The following PCDHA8 variants were observed in gnomAD, a reference collection of about 807,000 sequenced individuals.
PCDHA8 encodes the protein protocadherin alpha 8, also known as protocadherin alpha-8.
Under a neutral mutation model 61.8 loss-of-function variants are expected in PCDHA8, and 53 were observed. That is an observed-to-expected ratio of 0.86 (90% confidence interval 0.69 to 1.08). The LOEUF (loss-of-function observed/expected upper bound fraction) is 1.08. Ranked by LOEUF, PCDHA8 falls within the 50% of genes least tolerant of loss-of-function variation. The pLI, the probability that PCDHA8 is intolerant of heterozygous loss-of-function variation, is 0.00. For missense variants in PCDHA8, 1,293 were observed against 1,245.0 expected (o/e 1.04, Z -0.58); for synonymous variants, 618 against 556.6 (o/e 1.11, Z -1.55).
At chr5:140,850,282 C>T (rs2150477546) in intron 1 of PCDHA8, 2 of 1,595,502 alleles carry the variant, frequency 1.3e-6, no homozygotes, top group African/African-American at 2.7e-5. Context: ...AAGGTGCGCG[C>T]AGTGGACGCC....
intron 3 of PCDHA8, among the ~76,000 whole-genome samples, chr5:140,999,060 G>A (rs1199782818): frequency 1.3e-5 from 2 of 152,210 alleles, no homozygotes; most frequent in East Asian, 1.9e-4. Context: ...CCATGCCTAA[G>A]TAGTCTCCTT....
At chr5:140,988,556 C>A (rs574182013) in intron 3 of PCDHA8, among the ~76,000 whole-genome samples, 1 of 152,158 alleles carries the variant, frequency 6.6e-6, no homozygotes, top group South Asian at 2.1e-4. Flanking sequence ...TCTTCATCTT[C>A]TTCTTGGGAA....
At chr5:140,848,673 G>A (rs2150416689) in intron 1 of PCDHA8, 2 of 1,592,332 alleles carry the variant, frequency 1.3e-6, no homozygotes, top group Non-Finnish European at 1.7e-6. Context: ...GGCGGAGCTG[G>A]TGCCGCGCCT....
At chr5:140,919,069 A>G (rs2078992601) in intron 1 of PCDHA8, among the ~76,000 whole-genome samples, 1 of 152,200 alleles carries the variant, frequency 6.6e-6, no homozygotes, top group African/African-American at 2.4e-5. Context: ...TAAAGTCTCC[A>G]GTTATGACTA....
intron 1 of PCDHA8, chr5:140,857,754 C>T: frequency 6.3e-7 from 1 of 1,597,392 alleles, no homozygotes; most frequent in Non-Finnish European, 8.6e-7. Flanking sequence ...GCGTCTCCCG[C>T]TGGCAGCGCG....
intron 1 of PCDHA8, among the ~76,000 whole-genome samples, chr5:140,916,649 G>A (rs1331435832): frequency 6.6e-6 from 1 of 152,166 alleles, no homozygotes; most frequent in Non-Finnish European, 1.5e-5. Flanking sequence ...TGGCTGAGCT[G>A]GTATCCAAGA....
chr5:140,972,589 T>C (rs1258846206), intron 1 of PCDHA8, among the ~76,000 whole-genome samples: 2 of 152,074 alleles, frequency 1.3e-5, no homozygotes, highest in Non-Finnish European at 2.9e-5. Flanking sequence ...AGAATTTCTC[T>C]TTGGAAATTT....
At chr5:140,889,632 C>T (rs265311) in intron 1 of PCDHA8, among the ~76,000 whole-genome samples, 138,318 of 152,176 alleles carry the variant, frequency 0.91, 63,092 homozygotes, top group East Asian at 1. Context: ...CTCTTCTTTT[C>T]ATTTGTGTTT....
intron 1 of PCDHA8, among the ~76,000 whole-genome samples, chr5:140,919,172 A>G (rs144962710): frequency 6.6e-6 from 1 of 152,282 alleles, no homozygotes; most frequent in African/African-American, 2.4e-5. Flanking sequence ...TTTAGTTGCT[A>G]TATCTTCCTG....
chr5:140,915,209 AG>A lies in PCDHA8; in HGVS notation c.2395-63739del, dbSNP rs2077027084. On this transcript the variant is annotated intron_variant, in intron 1 of 3. Coordinates refer to ENST00000531613, the MANE Select transcript of PCDHA8 (RefSeq NM_018911.3). ...TGATCCGCCCATCTTGGCCTCCCAAAGTGCTGGGATTACAGGCATGAGCCAC... is the reference window on the plus strand; with the variant it reads ...TGATCCGCCCATCTTGGCCTCCCAAATGCTGGGATTACAGGCATGAGCCAC... 2.6e-5 allele frequency among the ~76,000 whole-genome samples: 4 copies of A among 152,034 alleles called. No individual in the cohort carries two copies. The South Asian group carries it at 8.3e-4, about 32-fold the overall frequency.
At chr5:140,883,825 G>T in intron 1 of PCDHA8, 1 of 1,612,576 alleles carries the variant, frequency 6.2e-7, no homozygotes, top group South Asian at 1.1e-5. Context: ...AGGTGTACGC[G>T]CTGCAGCCGT....
chr5:141,010,058 C>T lies in PCDHA8; in HGVS notation c.*121C>T. On this transcript the variant is annotated 3_prime_UTR_variant, in exon 4 of 4. Transcript: ENST00000531613. Reference sequence around the variant, plus strand: ...GAGCCCTCTTAGAGACCTCAGAAATCTGCAGAAAGTTCCCTGTGTCTGTCT... The same window carrying T: ...GAGCCCTCTTAGAGACCTCAGAAATTTGCAGAAAGTTCCCTGTGTCTGTCT... 6.2e-7 allele frequency: 1 copy of T among 1,601,100 alleles called. No homozygotes were observed. Among genetic ancestry groups the T allele is most frequent in the Non-Finnish European group, 8.5e-7 (1 of 1,173,728 alleles).
chr5:140,981,779 A>G (rs1231046614), intron 2 of PCDHA8, among the ~76,000 whole-genome samples: 2 of 151,974 alleles, frequency 1.3e-5, no homozygotes, highest in Non-Finnish European at 2.9e-5. Flanking sequence ...ATACTGCACC[A>G]TGTTCTCTTT....
chr5:140,966,543 A>G lies in PCDHA8; in HGVS notation c.2395-12406A>G, dbSNP rs200134570. 641 of 461,190 alleles carry G rather than the reference A, an allele frequency of 1.4e-3. 4 individuals carry two copies. The highest frequency in any genetic ancestry group is 0.011 in the African/African-American group (555 of 49,108). The allele number at this position is 461,190 out of a possible 1,614,324, so 28.6% of individuals were successfully genotyped here. ...AGCCGAGCCGGGTTGAGCGACTCGGAGGCGAGCGGAGGAGCTGGAATATGG... is the reference window on the plus strand; with the variant it reads ...AGCCGAGCCGGGTTGAGCGACTCGGGGGCGAGCGGAGGAGCTGGAATATGG... On this transcript the variant is annotated intron_variant, in intron 1 of 3. Coordinates refer to ENST00000531613, the MANE Select transcript of PCDHA8 (RefSeq NM_018911.3).
chr5:140,887,317 C>T lies in PCDHA8; in HGVS notation c.2394+43602C>T, dbSNP rs10066665. ...TTCATCTTGTTAGCCAGGATAGTCT[C>T]GAACTCCTGACCTCGTGATCCACCT... On this transcript the variant is annotated intron_variant, in intron 1 of 3. Transcript: ENST00000531613. Among the ~76,000 whole-genome samples the T allele has an allele frequency of 7.3e-3, 1,116 of 152,162 alleles. 15 individuals carry two copies. The highest frequency in any genetic ancestry group is 0.025 in the African/African-American group (1,043 of 41,520).
intron 1 of PCDHA8, chr5:140,850,322 C>T (rs2150479524): frequency 2.5e-6 from 4 of 1,597,492 alleles, no homozygotes; most frequent in Non-Finnish European, 3.4e-6. Flanking sequence ...GGCTTTCATA[C>T]GAGCTGCAGC....
intron 1 of PCDHA8, among the ~76,000 whole-genome samples, chr5:140,974,407 A>T (rs1441174003): frequency 6.6e-6 from 1 of 152,244 alleles, no homozygotes; most frequent in African/African-American, 2.4e-5. Flanking sequence ...TTCTAAAGTT[A>T]TGTTTATTTT....
intron 1 of PCDHA8, chr5:140,864,826 T>C (rs1297675845): frequency 6.6e-6 from 1 of 152,188 alleles, no homozygotes; most frequent in African/African-American, 2.4e-5. Flanking sequence ...ATTTGGGCTT[T>C]AAGTATAAGA....
At chr5:140,889,456 T>A (rs1328565593) in intron 1 of PCDHA8, among the ~76,000 whole-genome samples, 1 of 152,126 alleles carries the variant, frequency 6.6e-6, no homozygotes, top group Admixed American at 6.5e-5. Flanking sequence ...TTAATCTAAA[T>A]TTTCAGTTAT....
Sources: allele counts gnomAD v4.1 joint callset (sites outside exome capture counted in the v4.1 genomes callset), GRCh38; gene constraint gnomAD v4.1.1; transcripts MANE v1.5; gene names NCBI Gene and HGNC (gene_info 2026-07-23, HGNC 2026-07-21).